The following RGS5 variants were observed in gnomAD, a reference collection of about 807,000 sequenced individuals.
RGS5 encodes regulator of G protein signaling 5, also known as regulator of G-protein signalling 5.
In RGS5, 20 loss-of-function variants were observed where a neutral mutation model predicts 18.9. That is an observed-to-expected ratio of 1.06 (90% confidence interval 0.74 to 1.54). RGS5 has a LOEUF of 1.54. RGS5 is among the 40% of genes most tolerant of loss of function. The pLI is 0.00. For missense variants in RGS5, 201 were observed against 211.8 expected, an observed-to-expected ratio of 0.95 and a Z score of 0.32; for synonymous variants, 57 against 76.2, an observed-to-expected ratio of 0.75 and a Z score of 1.31.
At chr1:163,298,816 G>A (rs1297318543) in intron 2 of RGS5, among the ~76,000 whole-genome samples, 1 of 152,028 alleles carries the variant, frequency 6.6e-6, no homozygotes, top group African/African-American at 2.4e-5. Flanking sequence ...TTTCCCAAGT[G>A]CCCTCAGTTT....
intron 1 of RGS5, among the ~76,000 whole-genome samples, chr1:163,173,452 T>C (rs749148590): frequency 2.6e-4 from 40 of 152,092 alleles, no homozygotes; most frequent in Non-Finnish European, 5.6e-4. Flanking sequence ...GGCTGGGAAG[T>C]CAAAACTCAA....
chr1:163,204,016 C>T (rs16850588), upstream of RGS5, among the ~76,000 whole-genome samples: 5,948 of 152,146 alleles, frequency 0.039, 326 homozygotes, highest in African/African-American at 0.12. Flanking sequence ...ATAATTTTCT[C>T]TGTTATCTGA....
At chr1:163,310,995 G>A (rs1384356852) in intron 1 of RGS5, among the ~76,000 whole-genome samples, 1 of 152,140 alleles carries the variant, frequency 6.6e-6, no homozygotes, top group Non-Finnish European at 1.5e-5. Context: ...CACAAGAACA[G>A]AAGGGGGGAA....
chr1:163,312,956 T>C (rs369761705), intron 1 of RGS5, among the ~76,000 whole-genome samples: 3,377 of 96,380 alleles, frequency 0.035, 42 homozygotes, highest in African/African-American at 0.059. Flanking sequence ...AGTTTAAACT[T>C]CTACTTTCTA....
chr1:163,211,684 T>C (rs541192550), intron 1 of RGS5: 2 of 152,266 alleles, frequency 1.3e-5, no homozygotes, highest in South Asian at 2.1e-4. Context: ...ACATATGATA[T>C]ATGAGAAGTA....
chr1:163,239,725 T>A (rs1376429981), intron 2 of RGS5, among the ~76,000 whole-genome samples: 1 of 152,190 alleles, frequency 6.6e-6, no homozygotes, highest in African/African-American at 2.4e-5. Flanking sequence ...GAAATTCACC[T>A]CCTCTTGATC....
chr1:163,226,398 C>T (rs1317863400), intron 2 of RGS5, among the ~76,000 whole-genome samples: 1 of 152,038 alleles, frequency 6.6e-6, no homozygotes, highest in Non-Finnish European at 1.5e-5. Context: ...TGAAGGGATC[C>T]AGTTGGAGTT....
upstream of RGS5, among the ~76,000 whole-genome samples, chr1:163,203,862 G>A (rs954455525): frequency 2.0e-5 from 3 of 150,480 alleles, no homozygotes; most frequent in Non-Finnish European, 4.4e-5. Flanking sequence ...CCTGAATTGT[G>A]TCTTATCTTG....
rs1443408884 is a variant in RGS5 at position 163,181,686 on chromosome 1, C to T, written c.45-13318G>A. 2.0e-5 allele frequency among the ~76,000 whole-genome samples: 3 copies of T among 152,114 alleles called. No individual in the cohort carries two copies. The East Asian group carries it at 5.8e-4, about 29-fold the overall frequency. ...TATGTATGTACTCCCAGTTAGATAGCAAGCTCCTTGAGGATGGGTGCCTTG... is the reference window on the plus strand; with the variant it reads ...TATGTATGTACTCCCAGTTAGATAGTAAGCTCCTTGAGGATGGGTGCCTTG... On this transcript the variant is annotated intron_variant, in intron 1 of 4. Transcript: ENST00000313961.
chr1:163,213,533 G>T (rs1660151606), intron 1 of RGS5, among the ~76,000 whole-genome samples: 1 of 152,216 alleles, frequency 6.6e-6, no homozygotes, highest in Admixed American at 6.5e-5. Flanking sequence ...ACAAGCTAAA[G>T]ATGGTTTAGA....
intron 1 of RGS5, among the ~76,000 whole-genome samples, chr1:163,169,769 A>G (rs1314532063): frequency 1.3e-5 from 2 of 152,202 alleles, no homozygotes; most frequent in Non-Finnish European, 2.9e-5. Context: ...ATTTCCAGCT[A>G]TAAAATTAAA....
At chr1:163,268,052 T>A (rs1648612941) in intron 2 of RGS5, among the ~76,000 whole-genome samples, 1 of 152,072 alleles carries the variant, frequency 6.6e-6, no homozygotes, top group African/African-American at 2.4e-5. Flanking sequence ...TTTCCCCACC[T>A]CCTAAGGTTT....
intron 2 of RGS5, among the ~76,000 whole-genome samples, chr1:163,230,861 C>A (rs750151704): frequency 1.3e-5 from 2 of 151,988 alleles, no homozygotes; most frequent in Non-Finnish European, 2.9e-5. Context: ...ACATAAGAGG[C>A]GTAACAGGAT....
chr1:163,161,664 G>C (rs1038088478), intron 3 of RGS5: 1 of 401,920 alleles, frequency 2.5e-6, no homozygotes, highest in Non-Finnish European at 4.6e-6. Context: ...AAGCAGGACA[G>C]ATGGGAACAC....
upstream of RGS5, among the ~76,000 whole-genome samples, chr1:163,219,931 C>A (rs895640295): frequency 6.6e-6 from 1 of 152,014 alleles, no homozygotes; most frequent in Non-Finnish European, 1.5e-5. Context: ...GCTACATATA[C>A]CTAGGATTGG....
intron 1 of RGS5, among the ~76,000 whole-genome samples, chr1:163,311,218 T>A (rs536816013): frequency 6.6e-6 from 1 of 152,330 alleles, no homozygotes; most frequent in East Asian, 1.9e-4. Flanking sequence ...AGCCTTCATA[T>A]AATTAAAGAG....
intron 1 of RGS5, among the ~76,000 whole-genome samples, chr1:163,196,765 C>T (rs1659578241): frequency 6.6e-6 from 1 of 152,118 alleles, no homozygotes; most frequent in African/African-American, 2.4e-5. Flanking sequence ...AATCCCCACT[C>T]CCCTTCTCCC....
intron 2 of RGS5, among the ~76,000 whole-genome samples, chr1:163,278,271 A>G (rs2101716742): frequency 6.6e-6 from 1 of 152,292 alleles, no homozygotes; most frequent in Middle Eastern, 3.4e-3. Flanking sequence ...AAAAGCATTA[A>G]GTTACATATA....
chr1:163,290,125 G>A (rs1649243317), intron 2 of RGS5, among the ~76,000 whole-genome samples: 1 of 152,260 alleles, frequency 6.6e-6, no homozygotes. Context: ...CACCTGGACT[G>A]ACCAATCTCT....
Sources: gnomAD v4.1 joint callset for allele counts (sites outside exome capture counted in the v4.1 genomes callset) on GRCh38, gnomAD v4.1.1 for gene constraint, MANE v1.5 for transcripts, NCBI Gene and HGNC (gene_info 2026-07-23, HGNC 2026-07-21) for gene names.